PLAGL2: variants seen among roughly 807,000 people sequenced by gnomAD.
PLAGL2 encodes the protein zinc finger protein PLAGL2.
In PLAGL2, 7 loss-of-function variants were observed where a neutral mutation model predicts 29.0. That is an observed-to-expected ratio of 0.24 (90% confidence interval 0.14 to 0.45). The LOEUF (loss-of-function observed/expected upper bound fraction) is 0.45. Among genes scored for constraint, PLAGL2 ranks in the 20% least tolerant of loss-of-function variants. The pLI is 0.99. For synonymous variants in PLAGL2, 234 were observed against 266.0 expected (o/e 0.88, Z 1.17); for missense variants, 454 against 648.2 (o/e 0.70, Z 3.25).
At chr20:32,199,633 G>A (rs1279294477) in intron 2 of PLAGL2, among the ~76,000 whole-genome samples, 2 of 152,162 alleles carry the variant, frequency 1.3e-5, no homozygotes, top group Non-Finnish European at 2.9e-5. Context: ...CCAGGAATTT[G>A]AGATCACCCT....
In PLAGL2 at chr20:32,194,096, G is replaced by A. The variant is rs1327480503; in HGVS notation, c.*2356C>T. On this transcript the variant is annotated 3_prime_UTR_variant, in exon 3 of 3. Coordinates refer to ENST00000246229, the MANE Select transcript of PLAGL2 (RefSeq NM_002657.3). Reference sequence around the variant, plus strand: ...TCACTTACGGGGAGAGAGAATTCGAGGGAGGGACAGGAAAGGGCAGGCAGA... The same window carrying A: ...TCACTTACGGGGAGAGAGAATTCGAAGGAGGGACAGGAAAGGGCAGGCAGA... 6.6e-6 allele frequency: 1 copy of A among 152,524 alleles called. No individual in the cohort carries two copies. The highest frequency in any genetic ancestry group is 2.4e-5 in the African/African-American group (1 of 41,452). The allele number at this position is 152,524 out of a possible 1,614,324, so 9.4% of individuals were successfully genotyped here.
intron 2 of PLAGL2, among the ~76,000 whole-genome samples, chr20:32,200,432 G>T (rs1384737707): frequency 6.6e-6 from 1 of 152,000 alleles, no homozygotes; most frequent in East Asian, 1.9e-4. Flanking sequence ...TAGAGACGGG[G>T]TTTCACCGTG....
Position 32,201,889 on chromosome 20 carries a change from G to A in PLAGL2, c.260+30C>T, listed in dbSNP as rs183033830. The A allele has an allele frequency of 4.4e-6, 7 of 1,592,380 alleles. No homozygotes were observed. In the Admixed American group the frequency reaches 1.2e-4, roughly 27 times the overall value. ...TGCTTTTTCCCTCTGGGAACCTCAGGGCAGGAAGAGATATGAGAGTGTCAC... is the reference window on the plus strand; with the variant it reads ...TGCTTTTTCCCTCTGGGAACCTCAGAGCAGGAAGAGATATGAGAGTGTCAC... On this transcript the variant is annotated intron_variant, in intron 2 of 2. Transcript: ENST00000246229.
chr20:32,198,492 T>TA (rs1218010193), intron 2 of PLAGL2, among the ~76,000 whole-genome samples: 1 of 151,916 alleles, frequency 6.6e-6, no homozygotes, highest in African/African-American at 2.4e-5. Flanking sequence ...TCTTAACCAT[T>TA]AGATGGGCAT....
chr20:32,201,588 A>AAAAC (rs962085975), intron 2 of PLAGL2, among the ~76,000 whole-genome samples: 20 of 152,270 alleles, frequency 1.3e-4, no homozygotes, highest in African/African-American at 2.6e-4. Context: ...ATTTCTTAAA[A>AAAAC]AAACAAACAA....
At position 32,192,556 on chromosome 20, in the gene PLAGL2, T is replaced by A. The variant is rs140407443; in HGVS notation, c.*3896A>T. On this transcript the variant is annotated 3_prime_UTR_variant, in exon 3 of 3. Coordinates refer to ENST00000246229, the MANE Select transcript of PLAGL2 (RefSeq NM_002657.3). ...ACAACTTCATTATAAAAACCTTTTTTTGAAAATGTAATTCTGTAAAACATT... is the reference window on the plus strand; with the variant it reads ...ACAACTTCATTATAAAAACCTTTTTATGAAAATGTAATTCTGTAAAACATT... 1 of 152,654 alleles carries A rather than the reference T, an allele frequency of 6.6e-6. No homozygotes were observed. The highest frequency in any genetic ancestry group is 2.4e-5 in the African/African-American group (1 of 41,450). The allele number at this position is 152,654 out of a possible 1,614,324, so 9.5% of individuals were successfully genotyped here. A position where few individuals can be genotyped will look rare whatever the true frequency, so the allele number is the denominator to read the frequency against.
chr20:32,196,492 C>T lies in PLAGL2; in HGVS notation c.1451G>A (p.Ser484Asn), dbSNP rs1394609056. 1 of 1,510,332 alleles carries T rather than the reference C, an allele frequency of 6.6e-7. No homozygotes were observed. The highest frequency in any genetic ancestry group is 1.4e-5 in the South Asian group (1 of 72,832). The allele number at this position is 1,510,332 out of a possible 1,614,324, so 93.6% of individuals were successfully genotyped here. A position where few individuals can be genotyped will look rare whatever the true frequency, so the allele number is the denominator to read the frequency against. The change falls in exon 3 of 3, where the codon AGT becomes AAT. Residue 484 changes from serine to asparagine, a missense_variant. Physicochemically the swap from Ser to Asn is conservative, Grantham distance 46. Around this residue, in one of 4 missense-constraint regions of PLAGL2, gnomAD observed 247 missense variants for 350.3 expected, o/e 0.71. Transcript: ENST00000246229. ...ATGGAAACGAGGCAGGGTGGTGCTA[C>T]TCAGGCCAGACGTGAAGACAGGAGG... The part of the protein sequence containing the change: ...SLPPVFTSGL[S>N]STTLPRFHQA...
Position 32,192,798 on chromosome 20 carries a change from G to A in PLAGL2, c.*3654C>T, listed in dbSNP as rs2047207545. ...AAAGCCTTGACCGCTGGTAGGGAGG[G>A]AGAAGCATGAGAAGTGGTGTCTCAG... On this transcript the variant is annotated 3_prime_UTR_variant, in exon 3 of 3. Coordinates refer to ENST00000246229, the MANE Select transcript of PLAGL2 (RefSeq NM_002657.3). The A allele has an allele frequency of 6.6e-6, 1 of 152,628 alleles. No homozygotes were observed. Among genetic ancestry groups the A allele is most frequent in the African/African-American group, 2.4e-5 (1 of 41,456 alleles). The allele number at this position is 152,628 out of a possible 1,614,324, so 9.5% of individuals were successfully genotyped here.
At position 32,197,435 on chromosome 20, in the gene PLAGL2, C is replaced by A; in HGVS notation, c.508G>T (p.Ala170Ser). The A allele has an allele frequency of 6.2e-7, 1 of 1,612,526 alleles. No individual in the cohort carries two copies. Among genetic ancestry groups the A allele is most frequent in the Non-Finnish European group, 8.5e-7 (1 of 1,179,936 alleles). The change falls in exon 3 of 3, where the codon GCC (alanine) becomes TCC (serine). Residue 170 changes from alanine (A) to serine (S), a missense_variant. By Grantham distance (99) the Ala-to-Ser change is moderately conservative. Around this residue, in one of 4 missense-constraint regions of PLAGL2, gnomAD observed 111 missense variants for 173.1 expected, o/e 0.64. Coordinates refer to ENST00000246229, the MANE Select transcript of PLAGL2 (RefSeq NM_002657.3). This position sits in a 1 kb window ranked among gnomAD's most constrained non-coding sequence, Gnocchi z 6.6. Reference sequence around the variant, plus strand: ...TGGGCCTTCAGGTGCTCTAGCAGGGCCTGGGTACTCTCAAAGGTCTGCAGG... The same window carrying A: ...TGGGCCTTCAGGTGCTCTAGCAGGGACTGGGTACTCTCAAAGGTCTGCAGG... The part of the protein sequence containing the change: ...VCLQTFESTQ[A>S]LLEHLKAHSR...
At position 32,198,192 on chromosome 20, in the gene PLAGL2, A is replaced by G. The variant is rs575536987; in HGVS notation, c.261-510T>C. On this transcript the variant is annotated intron_variant, in intron 2 of 2. Coordinates refer to ENST00000246229, the MANE Select transcript of PLAGL2 (RefSeq NM_002657.3). ...TGATACCAGTGGCTGCCTATGCGAA[A>G]AAGAACCGAACAGCTTATAGATGGG... Among the ~76,000 whole-genome samples the G allele has an allele frequency of 7.9e-5, 12 of 152,358 alleles. No individual in the cohort carries two copies. In the East Asian group the frequency reaches 2.3e-3, roughly 29 times the overall value.
intron 1 of PLAGL2, 111 bp from the exon 2 acceptor site, chr20:32,202,403 A>C: frequency 1.8e-6 from 1 of 567,138 alleles, no homozygotes; most frequent in East Asian, 2.9e-5. Flanking sequence ...AAGCTGTGTG[A>C]CTTTCAGCCA....
At chr20:32,198,598 C>T (rs1481979248) in intron 2 of PLAGL2, among the ~76,000 whole-genome samples, 1 of 152,238 alleles carries the variant, frequency 6.6e-6, no homozygotes, top group African/African-American at 2.4e-5. Context: ...GATCGCACCA[C>T]TGCACTCCAT....
At chr20:32,200,872 G>A (rs2047255996) in intron 2 of PLAGL2, among the ~76,000 whole-genome samples, 1 of 152,208 alleles carries the variant, frequency 6.6e-6, no homozygotes, top group Non-Finnish European at 1.5e-5. Flanking sequence ...GGGATTACAA[G>A]TGCGAGCCAC....
chr20:32,200,041 CA>C (rs2047250835), intron 2 of PLAGL2, among the ~76,000 whole-genome samples: 1 of 152,114 alleles, frequency 6.6e-6, no homozygotes. Flanking sequence ...GCTTTGTGGT[CA>C]TCTTGTTCAT....
Position 32,197,347 on chromosome 20 carries a change from C to T in PLAGL2, c.596G>A (p.Arg199Gln), listed in dbSNP as rs1261314610. The T allele has an allele frequency of 5.0e-6, 8 of 1,602,708 alleles. No homozygotes were observed. The highest frequency in any genetic ancestry group is 2.3e-5 in the East Asian group (1 of 44,420). Reference protein sequence around the residue: ...KKHPCDHCDRRFYTRKDVRRH... With the variant: ...KKHPCDHCDRQFYTRKDVRRH... ...CCGTACATCCTTACGAGTATAGAAC[C>T]GCCGGTCGCAGTGGTCACAGGGGTG... The change falls in exon 3 of 3, where the codon CGG (arginine) becomes CAG (glutamine). Residue 199 changes from arginine to glutamine, a missense_variant. Physicochemically the swap from Arg to Gln is conservative, Grantham distance 43. Coordinates refer to ENST00000246229, the MANE Select transcript of PLAGL2 (RefSeq NM_002657.3). The surrounding 1 kb of genome is among the most constrained non-coding windows in gnomAD (Gnocchi z 6.6).
At chr20:32,203,092 C>T (rs549775262) in intron 1 of PLAGL2, among the ~76,000 whole-genome samples, 9 of 152,282 alleles carry the variant, frequency 5.9e-5, no homozygotes, top group South Asian at 2.1e-4. Context: ...CTTTAGAAGA[C>T]GGTAGCGAGC....
intron 2 of PLAGL2, among the ~76,000 whole-genome samples, chr20:32,200,403 AT>A (rs1202580060): frequency 4.0e-5 from 6 of 151,624 alleles, no homozygotes; most frequent in Admixed American, 2.0e-4. Flanking sequence ...CGCCCAGCTA[AT>A]TTTTTTTGTA....
intron 1 of PLAGL2, among the ~76,000 whole-genome samples, chr20:32,206,973 T>A (rs922567778): frequency 6.6e-6 from 1 of 151,858 alleles, no homozygotes; most frequent in African/African-American, 2.4e-5. Flanking sequence ...AAATGGGGGA[T>A]TATAAGGGCT....
At chr20:32,204,222 T>C (rs1416701175) in intron 1 of PLAGL2, among the ~76,000 whole-genome samples, 1 of 152,020 alleles carries the variant, frequency 6.6e-6, no homozygotes, top group Non-Finnish European at 1.5e-5. Flanking sequence ...CTCTGGAAAG[T>C]TGGGAATGGC....
Sources: allele counts gnomAD v4.1 joint callset (sites outside exome capture counted in the v4.1 genomes callset), GRCh38; gene constraint gnomAD v4.1.1; regional missense constraint gnomAD v4.1.1; non-coding constraint Gnocchi (gnomAD v3.1); transcripts MANE v1.5; gene names NCBI Gene and HGNC (gene_info 2026-07-23, HGNC 2026-07-21).